PCDHA6: variants seen among roughly 807,000 people sequenced by gnomAD.
PCDHA6 encodes the protein protocadherin alpha-6.
A neutral mutation model predicts 60.3 loss-of-function variants in PCDHA6; 55 were observed. That is an observed-to-expected ratio of 0.91 (90% CI 0.73 to 1.14). The LOEUF is 1.14. PCDHA6 is among the 50% of genes most tolerant of loss of function. The pLI is 0.00. For synonymous variants in PCDHA6, 652 were observed against 557.9 expected, an observed-to-expected ratio of 1.17 and a Z score of -2.38; for missense variants, 1,327 against 1,256.5, an observed-to-expected ratio of 1.06 and a Z score of -0.85.
chr5:140,835,821 G>A lies in PCDHA6; in HGVS notation c.2394+5336G>A, dbSNP rs2150245813. ...CTGCCACATCTTCACTGTGTCGGCG[G>A]GGGACGCGGACGCGCAGAAGAACGC... is the stretch of plus-strand genomic sequence containing the variant. On this transcript the variant is annotated intron_variant, in intron 1 of 3. Transcript: ENST00000529310. The A allele has an allele frequency of 1.9e-6, 3 of 1,612,596 alleles. No homozygotes were observed. In the African/African-American group the frequency reaches 4.0e-5, roughly 22 times the overall value.
intron 1 of PCDHA6, chr5:140,867,045 T>C (rs1232896642): frequency 6.6e-6 from 1 of 152,200 alleles, no homozygotes; most frequent in Non-Finnish European, 1.5e-5. Flanking sequence ...ACTTGGCGTT[T>C]GTTCAGTACT....
intron 1 of PCDHA6, chr5:140,877,868 T>G: frequency 6.7e-7 from 1 of 1,488,916 alleles, no homozygotes; most frequent in Non-Finnish European, 8.9e-7. Context: ...TTAGATATAT[T>G]TGTTTCCTTG....
rs2150151262 is a variant in PCDHA6 at position 140,828,134 on chromosome 5, C to T, written c.43C>T (p.Leu15Phe). The change falls in exon 1 of 4, where the codon CTC (leucine) becomes TTC (phenylalanine). Residue 15 changes from leucine to phenylalanine, a missense_variant. Transcript: ENST00000529310. ...GGATAGATTGGGAAAGCAATGTCTG[C>T]TCCTCCCGCTTCTGCTCCTCGCAGC... ...PEDRLGKQCL[L>F]LPLLLLAAWK... The T allele has an allele frequency of 1.9e-6, 3 of 1,613,682 alleles. No individual in the cohort carries two copies. Among genetic ancestry groups the T allele is most frequent in the South Asian group, 1.1e-5 (1 of 91,002 alleles).
intron 3 of PCDHA6, 87 bp downstream of exon 3, chr5:140,982,650 C>T (rs1299219435): frequency 4.6e-6 from 7 of 1,507,000 alleles, no homozygotes; most frequent in Non-Finnish European, 5.3e-6. Flanking sequence ...ATGTTGATGG[C>T]TCTTTTTCTT....
intron 1 of PCDHA6, chr5:140,882,290 G>A: frequency 6.2e-7 from 1 of 1,613,532 alleles, no homozygotes; most frequent in Non-Finnish European, 8.5e-7. Flanking sequence ...CTGGCAAGGA[G>A]GCCCAAGACC....
At chr5:140,903,687 T>C (rs1554191081) in intron 1 of PCDHA6, among the ~76,000 whole-genome samples, 1 of 152,228 alleles carries the variant, frequency 6.6e-6, no homozygotes, top group Non-Finnish European at 1.5e-5. Context: ...GTTTGGTAAA[T>C]AGTTTAAAAT....
chr5:140,850,783 G>T, intron 1 of PCDHA6: 1 of 1,598,172 alleles, frequency 6.3e-7, no homozygotes, highest in Non-Finnish European at 8.6e-7. Context: ...TCTGGCGAGG[G>T]TAAGCAGAAG....
At chr5:140,999,327 G>A (rs1554256745) in intron 3 of PCDHA6, among the ~76,000 whole-genome samples, 1 of 152,200 alleles carries the variant, frequency 6.6e-6, no homozygotes, top group Non-Finnish European at 1.5e-5. Context: ...ATTGATCTGT[G>A]TGATTTATAA....
intron 1 of PCDHA6, among the ~76,000 whole-genome samples, chr5:140,886,624 G>A (rs1204732273): frequency 6.6e-6 from 1 of 151,636 alleles, no homozygotes; most frequent in African/African-American, 2.4e-5. Context: ...TCAGGAGTCC[G>A]AGACCAGCCT....
At chr5:140,830,534 A>G (rs2150187511) in intron 1 of PCDHA6, 49 bp downstream of exon 1, 2 of 1,251,108 alleles carry the variant, frequency 1.6e-6, no homozygotes, top group South Asian at 4.1e-5. Context: ...TAAATTTATA[A>G]TTGTTTTCCT....
At chr5:140,967,355 C>G in intron 1 of PCDHA6, 1 of 1,608,112 alleles carries the variant, frequency 6.2e-7, no homozygotes, top group Non-Finnish European at 8.5e-7. Context: ...CGAGCTGGAC[C>G]TTAAGCCCCT....
At position 140,969,194 on chromosome 5, in the gene PCDHA6, A is replaced by G. The variant is rs782262250; in HGVS notation, c.2395-9755A>G. On this transcript the variant is annotated intron_variant, in intron 1 of 3. Coordinates refer to ENST00000529310, the MANE Select transcript of PCDHA6 (RefSeq NM_018909.4). ...AGGGAGTGACACTTTCATGTTTTAC[A>G]ATACAGGGGCCCAGACAGGACCAGG... 1.8e-5 allele frequency: 29 copies of G among 1,614,026 alleles called. No homozygotes were observed. The highest frequency in any genetic ancestry group is 2.3e-5 in the Non-Finnish European group (27 of 1,180,018).
At chr5:140,875,262 C>T (rs2055382922) in intron 1 of PCDHA6, 1 of 1,157,372 alleles carries the variant, frequency 8.6e-7, no homozygotes, top group Admixed American at 3.0e-5. Flanking sequence ...CATGATGTCG[C>T]TCTACACTCA....
At chr5:140,928,007 A>G in intron 1 of PCDHA6, 3 of 1,614,116 alleles carry the variant, frequency 1.9e-6, no homozygotes, top group Non-Finnish European at 2.5e-6. Context: ...CTCGATTCTA[A>G]TGGTAGGGTC....
At chr5:140,881,579 C>A (rs1299755224) in intron 1 of PCDHA6, among the ~76,000 whole-genome samples, 1 of 152,168 alleles carries the variant, frequency 6.6e-6, no homozygotes, top group Non-Finnish European at 1.5e-5. Context: ...TCTCAAGTCA[C>A]ATTGAGGGAA....
At chr5:140,864,675 T>A (rs1331256646) in intron 1 of PCDHA6, 6 of 152,254 alleles carry the variant, frequency 3.9e-5, no homozygotes, top group African/African-American at 1.4e-4. Context: ...GTTGACTTAA[T>A]TGCTGCTGTC....
intron 1 of PCDHA6, chr5:140,966,461 C>A: frequency 2.3e-6 from 1 of 429,006 alleles, no homozygotes; most frequent in East Asian, 3.5e-5. Flanking sequence ...CCCCCTCTGT[C>A]TTCCCTTCTG....
intron 1 of PCDHA6, among the ~76,000 whole-genome samples, chr5:140,918,569 G>T (rs374823656): frequency 3.9e-5 from 6 of 152,136 alleles, no homozygotes; most frequent in African/African-American, 1.4e-4. Context: ...TGTATATTAT[G>T]CTGCTATTGG....
At chr5:140,936,291 A>G (rs996685658) in intron 1 of PCDHA6, among the ~76,000 whole-genome samples, 2 of 152,174 alleles carry the variant, frequency 1.3e-5, no homozygotes, top group African/African-American at 4.8e-5. Flanking sequence ...CTTCTATAAC[A>G]TTGCTATCCA....
Sources: gnomAD v4.1 joint callset for allele counts (sites outside exome capture counted in the v4.1 genomes callset) on GRCh38, gnomAD v4.1.1 for gene constraint, MANE v1.5 for transcripts, NCBI Gene and HGNC (gene_info 2026-07-23, HGNC 2026-07-21) for gene names.